The following FGF4 variants were observed in gnomAD, a reference collection of about 807,000 sequenced individuals.
The protein encoded by FGF4 is fibroblast growth factor 4.
Under a neutral mutation model 15.7 loss-of-function variants are expected in FGF4, and 9 were observed. The ratio of observed to expected loss-of-function variants is 0.57; its 90% CI spans 0.35 to 1.00. The LOEUF (loss-of-function observed/expected upper bound fraction) is 1.00, where lower values mean the gene tolerates loss of function less well. Ranked by LOEUF, FGF4 falls within the 50% of genes least tolerant of loss-of-function variation. The pLI is 0.02. For missense variants in FGF4, 286 were observed against 297.3 expected (o/e 0.96, Z 0.28); for synonymous variants, 164 against 144.8 (o/e 1.13, Z -0.95).
rs1488531869 is a variant in FGF4 at position 69,772,231 on chromosome 11, C to G, written c.*1078G>C. ...GGGTATGAGCTTTCTGTGGGTTTTG[C>G]CTGGGGTTTCAGGGCTTGTGAGGTA... On this transcript the variant is annotated 3_prime_UTR_variant, in exon 3 of 3. Transcript: ENST00000168712. 6.6e-6 allele frequency: 1 copy of G among 152,120 alleles called. No individual in the cohort carries two copies. The highest frequency in any genetic ancestry group is 2.4e-5 in the African/African-American group (1 of 41,432). 9.4% of individuals were successfully genotyped at this position (152,120 alleles called of 1,614,324 possible).
rs11289652 is a variant in FGF4 at position 69,773,110 on chromosome 11, T to TC, written c.*198dup. On this transcript the variant is annotated 3_prime_UTR_variant, in exon 3 of 3. Transcript: ENST00000168712. ...GTTGGTTTTTTGTTTTGTCTTTTTT[T>TC]CCCCCCAGAAAATTAAAAAACACAC... The TC allele has an allele frequency of 2.1e-6, 1 of 478,614 alleles. No individual in the cohort carries two copies. 29.6% of individuals were successfully genotyped at this position (478,614 alleles called of 1,614,324 possible).
At chr11:69,773,601 T>G (rs1298259768) in intron 2 of FGF4, 116 bp from the exon 3 acceptor site, 10 of 901,328 alleles carry the variant, frequency 1.1e-5, no homozygotes, top group Non-Finnish European at 1.8e-5. Context: ...CTGAGATGTC[T>G]CTGCTGAGCA....
At chr11:69,773,618 G>A (rs1390311892) in intron 2 of FGF4, 133 bp from the exon 3 acceptor site, 2 of 838,484 alleles carry the variant, frequency 2.4e-6, no homozygotes, top group Non-Finnish European at 3.9e-6. Flanking sequence ...AGCAGTTAAG[G>A]TGTCAAGACC....
Position 69,771,140 on chromosome 11 carries a change from C to G in FGF4, c.*2169G>C, listed in dbSNP as rs1027977033. The stretch of plus-strand genomic sequence containing the variant: ...TTGTCGGTCAGCATGTCAATGTGCA[C>G]AGCACATACATCACAACGAGGGTCG... On this transcript the variant is annotated 3_prime_UTR_variant, in exon 3 of 3. Transcript: ENST00000168712. 1 of 152,218 alleles carries G rather than the reference C, an allele frequency of 6.6e-6. No homozygotes were observed. The highest frequency in any genetic ancestry group is 2.4e-5 in the African/African-American group (1 of 41,448). The allele number at this position is 152,218 out of a possible 1,614,324, so 9.4% of individuals were successfully genotyped here.
chr11:69,775,137 G>C lies in FGF4; in HGVS notation c.-53C>G, dbSNP rs1855626493. 5.9e-6 allele frequency: 7 copies of C among 1,177,276 alleles called. No homozygotes were observed. Among genetic ancestry groups the C allele is most frequent in the Non-Finnish European group, 7.6e-6 (7 of 925,130 alleles). The allele number at this position is 1,177,276 out of a possible 1,614,324, so 72.9% of individuals were successfully genotyped here. ...GGCGGTCAGTGCGCCCGGGAAGCTG[G>C]GGGGCAGAGCTGCGCCTGTGGCGTC... On this transcript the variant is annotated 5_prime_UTR_variant, in exon 1 of 3. Coordinates refer to ENST00000168712, the MANE Select transcript of FGF4 (RefSeq NM_002007.4).
Position 69,775,054 on chromosome 11 carries a change from G to T in FGF4, c.31C>A (p.Leu11Met). ...AAGGCCAGCAGGACCGCCGGGAGCAGCGCTACCGCGGCCGTCCCGGGCCCC... is the reference window on the plus strand; with the variant it reads ...AAGGCCAGCAGGACCGCCGGGAGCATCGCTACCGCGGCCGTCCCGGGCCCC... MSGPGTAAVA[L>M]LPAVLLALLA... is the part of the protein sequence containing the mutation. Residue 11 changes from leucine to methionine, a missense_variant, in exon 1 of 3, where the codon CTG (leucine) becomes ATG (methionine). By Grantham distance (15) the Leu-to-Met change is conservative (BLOSUM62 2). Transcript: ENST00000168712. The T allele has an allele frequency of 7.3e-7, 1 of 1,362,300 alleles. No homozygotes were observed. Among genetic ancestry groups the T allele is most frequent in the South Asian group, 1.8e-5 (1 of 56,140 alleles). 84.4% of individuals were successfully genotyped at this position (1,362,300 alleles called of 1,614,324 possible).
Position 69,774,134 on chromosome 11 carries a change from G to T in FGF4, c.341-7C>A. ...GGCGAGAGCTCCAGCAGGCCTGGGG[G>T]CGGGGCGCAGGTCATTGCGGGGCAG... On this transcript the variant is annotated splice_polypyrimidine_tract_variant and splice_region_variant and intron_variant, in intron 1 of 2. Transcript: ENST00000168712. 1 of 1,608,206 alleles carries T rather than the reference G, an allele frequency of 6.2e-7. No homozygotes were observed. Among genetic ancestry groups the T allele is most frequent in the East Asian group, 2.2e-5 (1 of 44,808 alleles).
rs3740639 is a variant in FGF4, at chr11:69,773,252, C to T, written c.*57G>A. 389,023 of 1,501,538 alleles carry T rather than the reference C, an allele frequency of 0.26. 52,375 individuals carry two copies. Among genetic ancestry groups the T allele is most frequent in the Non-Finnish European group, 0.28 (298,267 of 1,082,582 alleles). 93.0% of individuals were successfully genotyped at this position (1,501,538 alleles called of 1,614,324 possible). A position where few individuals can be genotyped will look rare whatever the true frequency, so the allele number is the denominator to read the frequency against. On this transcript the variant is annotated 3_prime_UTR_variant, in exon 3 of 3. Transcript: ENST00000168712. ...TCCGAAGAAAGTGCACCAAGGTGAC[C>T]CTCGGCACTGCCCTCCCAGGGGCTT...
rs746219635 is a variant in FGF4, at chr11:69,774,060, G to A, written c.408C>T (p.Phe136=). 3.1e-6 allele frequency: 5 copies of A among 1,613,218 alleles called. No homozygotes were observed. The South Asian group carries it at 4.4e-5, about 14-fold the overall frequency. ...VSIFGVASRF[F]VAMSSKGKLY... The stretch of plus-strand genomic sequence containing the variant: ...GCTTGCCCTTGCTGCTCATGGCCAC[G>A]AAGAACCGGCTGGCCACGCCGAAGA... Residue 136 remains phenylalanine, a synonymous_variant, in exon 2 of 3, where the codon TTC becomes TTT. Transcript: ENST00000168712.
Position 69,773,108 on chromosome 11 carries a change from T to A in FGF4, c.*201A>T. On this transcript the variant is annotated 3_prime_UTR_variant, in exon 3 of 3. Transcript: ENST00000168712. ...GAGTTGGTTTTTTGTTTTGTCTTTTTTTCCCCCCAGAAAATTAAAAAACAC... is the reference window on the plus strand; with the variant it reads ...GAGTTGGTTTTTTGTTTTGTCTTTTATTCCCCCCAGAAAATTAAAAAACAC... 1 of 479,180 alleles carries A rather than the reference T, an allele frequency of 2.1e-6. No homozygotes were observed. The highest frequency in any genetic ancestry group is 3.7e-6 in the Non-Finnish European group (1 of 272,808). The allele number at this position is 479,180 out of a possible 1,614,324, so 29.7% of individuals were successfully genotyped here.
At position 69,775,127 on chromosome 11, in the gene FGF4, CG is replaced by C; in HGVS notation, c.-44del. On this transcript the variant is annotated 5_prime_UTR_variant, in exon 1 of 3. Coordinates refer to ENST00000168712, the MANE Select transcript of FGF4 (RefSeq NM_002007.4). The stretch of plus-strand genomic sequence containing the variant: ...GCGTCGGTCAGGCGGTCAGTGCGCC[CG>C]GGAAGCTGGGGGGCAGAGCTGCGCC... The C allele has an allele frequency of 4.1e-6, 5 of 1,223,640 alleles. No homozygotes were observed. The highest frequency in any genetic ancestry group is 1.6e-5 in the African/African-American group (1 of 63,228). The allele number at this position is 1,223,640 out of a possible 1,614,324, so 75.8% of individuals were successfully genotyped here. A position where few individuals can be genotyped will look rare whatever the true frequency, so the allele number is the denominator to read the frequency against.
At chr11:69,773,516 G>C (rs1349355680) in intron 2 of FGF4, 31 bp from the exon 3 acceptor site, 2 of 1,612,240 alleles carry the variant, frequency 1.2e-6, no homozygotes, top group Admixed American at 3.3e-5. Context: ...GTCAGGGCTG[G>C]GGCACCTCTT....
Position 69,774,007 on chromosome 11 carries a change from AC to A in FGF4, c.444+16del, listed in dbSNP as rs1855607482. ...TGTTCCCAACTAGGTGCCTAGCCAG[AC>A]CCCTGCGGTACTCACCGAGCCATAG... On this transcript the variant is annotated intron_variant, in intron 2 of 2. Coordinates refer to ENST00000168712, the MANE Select transcript of FGF4 (RefSeq NM_002007.4). 1.3e-6 allele frequency: 2 copies of A among 1,597,618 alleles called. No homozygotes were observed. The highest frequency in any genetic ancestry group is 1.3e-5 in the African/African-American group (1 of 74,696).
In FGF4 at chr11:69,775,207, G is replaced by C; in HGVS notation, c.-123C>G. 1.7e-6 allele frequency: 1 copy of C among 605,414 alleles called. No individual in the cohort carries two copies. Among genetic ancestry groups the C allele is most frequent in the Non-Finnish European group, 2.4e-6 (1 of 416,832 alleles). The allele number at this position is 605,414 out of a possible 1,614,324, so 37.5% of individuals were successfully genotyped here. A position where few individuals can be genotyped will look rare whatever the true frequency, so the allele number is the denominator to read the frequency against. Reference sequence around the variant, plus strand: ...ACCTCGGGCAGGAGTGCGCAACCGAGGAGGTGCGGGAGGCAAGCGACGGGG... The same window carrying C: ...ACCTCGGGCAGGAGTGCGCAACCGACGAGGTGCGGGAGGCAAGCGACGGGG... On this transcript the variant is annotated 5_prime_UTR_variant, in exon 1 of 3. Transcript: ENST00000168712.
intron 2 of FGF4, 117 bp downstream of exon 2, chr11:69,773,907 G>C (rs1211986816): frequency 1.3e-6 from 1 of 784,180 alleles, no homozygotes; most frequent in South Asian, 1.8e-5. Context: ...CCCGTGACCT[G>C]GTGACCCTGC....
In FGF4 at chr11:69,773,237, G is replaced by A; in HGVS notation, c.*72C>T. 5.4e-6 allele frequency: 7 copies of A among 1,288,442 alleles called. No homozygotes were observed. The highest frequency in any genetic ancestry group is 7.8e-6 in the Non-Finnish European group (7 of 901,758). The allele number at this position is 1,288,442 out of a possible 1,614,324, so 79.8% of individuals were successfully genotyped here. ...GCATTAAACTCTTCATCCGAAGAAA[G>A]TGCACCAAGGTGACCCTCGGCACTG... On this transcript the variant is annotated 3_prime_UTR_variant, in exon 3 of 3. Transcript: ENST00000168712.
intron 1 of FGF4, 21 bp from the exon 2 acceptor site, chr11:69,774,148 A>T: frequency 6.3e-7 from 1 of 1,590,746 alleles, no homozygotes; most frequent in East Asian, 2.2e-5. Flanking sequence ...GGCGCAGGTC[A>T]TTGCGGGGCA....
rs751257747 is a variant in FGF4 at position 69,773,355 on chromosome 11, C to T, written c.575G>A (p.Arg192Gln). 8 of 1,614,168 alleles carry T rather than the reference C, an allele frequency of 5.0e-6. No individual in the cohort carries two copies. Among genetic ancestry groups the T allele is most frequent in the Middle Eastern group, 1.6e-4 (1 of 6,062 alleles). ...GGTGACCTTCATGGTGGGCGACACT[C>T]GGTTCCCCTTCTTGGTCTTCCCATT... ...SKNGKTKKGNRVSPTMKVTHF... is the reference protein window; with the variant it reads ...SKNGKTKKGNQVSPTMKVTHF... The change falls in exon 3 of 3, where the codon CGA becomes CAA. Residue 192 changes from arginine (R) to glutamine (Q), a missense_variant. Coordinates refer to ENST00000168712, the MANE Select transcript of FGF4 (RefSeq NM_002007.4).
At position 69,775,099 on chromosome 11, in the gene FGF4, C is replaced by G. The variant is rs764657478; in HGVS notation, c.-15G>C. On this transcript the variant is annotated 5_prime_UTR_variant, in exon 1 of 3. Coordinates refer to ENST00000168712, the MANE Select transcript of FGF4 (RefSeq NM_002007.4). ...GGCCCCGACATCCCGGCCCGAGGGCCGTGCGTCGGTCAGGCGGTCAGTGCG... is the reference window on the plus strand; with the variant it reads ...GGCCCCGACATCCCGGCCCGAGGGCGGTGCGTCGGTCAGGCGGTCAGTGCG... The G allele has an allele frequency of 2.4e-5, 31 of 1,304,094 alleles. No individual in the cohort carries two copies. In the African/African-American group the frequency reaches 4.3e-4, roughly 18 times the overall value. The allele number at this position is 1,304,094 out of a possible 1,614,324, so 80.8% of individuals were successfully genotyped here.
Sources: gnomAD v4.1 joint callset for allele counts on GRCh38, gnomAD v4.1.1 for gene constraint, MANE v1.5 for transcripts, NCBI Gene and HGNC (gene_info 2026-07-23, HGNC 2026-07-21) for gene names.